ANKRD18A: variants seen among roughly 807,000 people sequenced by gnomAD.
ANKRD18A encodes the protein ankyrin repeat domain 18A.
ANKRD18A carries 72 observed loss-of-function variants against 110.6 expected under a neutral mutation model. The ratio of observed to expected loss-of-function variants is 0.65; its 90% CI spans 0.54 to 0.79. The LOEUF (loss-of-function observed/expected upper bound fraction) is 0.79. Ranked by LOEUF, ANKRD18A falls within the 30% of genes least tolerant of loss-of-function variation. The probability of loss-of-function intolerance (pLI) is 0.00; values close to 1 mark genes in which losing one functional copy is unlikely to be tolerated. For missense variants in ANKRD18A, 934 were observed against 1,163.3 expected (o/e 0.80, Z 2.87); for synonymous variants, 305 against 410.3 (o/e 0.74, Z 3.10).
chr9:38,566,667 T>A (rs1587470769), downstream of ANKRD18A: 1 of 152,240 alleles, frequency 6.6e-6, no homozygotes, highest in Non-Finnish European at 1.5e-5. Context: ...AGAGGTTTAA[T>A]TGGCTCACGG....
intron 10 of ANKRD18A, among the ~76,000 whole-genome samples, chr9:38,592,559 C>G (rs1207788692): frequency 1.3e-5 from 2 of 152,034 alleles, no homozygotes; most frequent in Admixed American, 6.6e-5. Flanking sequence ...TGATATCTGC[C>G]CAATTAACTC....
intron 6 of ANKRD18A, among the ~76,000 whole-genome samples, chr9:38,605,143 A>G (rs1825296476): frequency 6.6e-6 from 1 of 152,244 alleles, no homozygotes; most frequent in Admixed American, 6.5e-5. Flanking sequence ...GACACACAGT[A>G]AGCACTATTT....
At chr9:38,611,343 T>C in intron 3 of ANKRD18A, 22 bp from the exon 4 acceptor site, 4 of 1,507,490 alleles carry the variant, frequency 2.7e-6, no homozygotes, top group Non-Finnish European at 3.5e-6. Context: ...CAAAAACAAT[T>C]TATAATTCAC....
At chr9:38,568,378 G>C (rs1823528699), downstream of ANKRD18A, 2 of 152,012 alleles carry the variant, frequency 1.3e-5, no homozygotes, top group Admixed American at 1.3e-4. Flanking sequence ...CTGGCTCAAA[G>C]AGCAACCAGC....
intron 5 of ANKRD18A, 87 bp downstream of exon 5, chr9:38,610,186 A>C (rs1825546637): frequency 7.1e-7 from 1 of 1,412,826 alleles, no homozygotes; most frequent in Admixed American, 3.2e-5. Flanking sequence ...CAAACTATGA[A>C]CTGTCACCTA....
At position 38,588,766 on chromosome 9, in the gene ANKRD18A, G is replaced by A. The variant is rs2985608; in HGVS notation, c.2005-103C>T. ...GTTGATGAATAATATGTATTTAGGC[G>A]GTTGTATAAAGTGCATTTTACAAAC... is the stretch of plus-strand genomic sequence containing the variant. On this transcript the variant is annotated intron_variant, in intron 10 of 15. Coordinates refer to ENST00000399703, the MANE Select transcript of ANKRD18A (RefSeq NM_147195.4). 2,180 of 869,462 alleles carry A rather than the reference G, an allele frequency of 2.5e-3. 42 individuals carry two copies. The African/African-American group carries it at 0.034, about 14-fold the overall frequency. 53.9% of individuals were successfully genotyped at this position (869,462 alleles called of 1,614,324 possible). A position where few individuals can be genotyped will look rare whatever the true frequency, so the allele number is the denominator to read the frequency against.
chr9:38,595,778 A>G lies in ANKRD18A; in HGVS notation c.1562T>C (p.Met521Thr). 5.2e-6 allele frequency: 8 copies of G among 1,551,196 alleles called. No individual in the cohort carries two copies. The highest frequency in any genetic ancestry group is 7.0e-6 in the Non-Finnish European group (8 of 1,146,634). ...TTCTCCATTTGGATGCATCTGCTTC[A>G]TTTCCTTTATTCGATGCTGTGCTTG... The part of the protein sequence containing the change: ...LRQAQHRIKE[M>T]KQMHPNGEAK... The change falls in exon 9 of 16, where the codon ATG (methionine) becomes ACG (threonine). Residue 521 changes from methionine to threonine, a missense_variant. Transcript: ENST00000399703.
intron 5 of ANKRD18A, among the ~76,000 whole-genome samples, chr9:38,609,435 T>C (rs1825500917): frequency 1.3e-5 from 2 of 151,852 alleles, no homozygotes; most frequent in African/African-American, 4.8e-5. Flanking sequence ...GAGCCAAGAT[T>C]GCGCCACTGC....
rs1296953010 is a variant in ANKRD18A, at chr9:38,616,119, A to G, written c.207-75T>C. The stretch of plus-strand genomic sequence containing the variant: ...CCTACAATGGTCCATGTCATTGTAA[A>G]CATTGAATGGCATTATTCCTCTGCC... On this transcript the variant is annotated intron_variant, in intron 1 of 15. Transcript: ENST00000399703. 3 of 1,188,666 alleles carry G rather than the reference A, an allele frequency of 2.5e-6. No homozygotes were observed. The African/African-American group carries it at 4.7e-5, about 18-fold the overall frequency. 73.6% of individuals were successfully genotyped at this position (1,188,666 alleles called of 1,614,324 possible).
chr9:38,616,224 C>G (rs1202749376), intron 1 of ANKRD18A, among the ~76,000 whole-genome samples, 180 bp from the exon 2 acceptor site: 3 of 152,180 alleles, frequency 2.0e-5, no homozygotes, highest in Non-Finnish European at 4.4e-5. Context: ...GAAACAGCAG[C>G]CTATTTGGAT....
rs561252796 is a variant in ANKRD18A, at chr9:38,619,349, T to C, written c.206+731A>G. On this transcript the variant is annotated intron_variant, in intron 1 of 15. Transcript: ENST00000399703. ...TTCCTACTCATCTGAAACGTTACCATTATCCATCCCTATGTATATATCTTA... is the reference window on the plus strand; with the variant it reads ...TTCCTACTCATCTGAAACGTTACCACTATCCATCCCTATGTATATATCTTA... Among the ~76,000 whole-genome samples the C allele has an allele frequency of 2.0e-5, 3 of 152,314 alleles. No individual in the cohort carries two copies. The East Asian group carries it at 5.8e-4, about 29-fold the overall frequency.
chr9:38,610,478 C>T (rs557841256), intron 4 of ANKRD18A, 68 bp from the exon 5 acceptor site: 19 of 1,485,064 alleles, frequency 1.3e-5, no homozygotes, highest in Middle Eastern at 1.8e-4. Context: ...AAATTGGATA[C>T]ACTTTACCAA....
chr9:38,584,889 T>C (rs2993200), intron 12 of ANKRD18A, among the ~76,000 whole-genome samples: 52,579 of 151,948 alleles, frequency 0.35, 9,732 homozygotes, highest in African/African-American at 0.47. Flanking sequence ...ATGGGTTTTA[T>C]TAACTCTTAT....
Position 38,620,584 on chromosome 9 carries a change from T to C in ANKRD18A, c.-299A>G. On this transcript the variant is annotated 5_prime_UTR_variant, in exon 1 of 16. Transcript: ENST00000399703. ...GCGCCTGAACCTCAGCGCTCCGAACTCTCAGACCGAGTGAGTCCCCGCGAT... is the reference window on the plus strand; with the variant it reads ...GCGCCTGAACCTCAGCGCTCCGAACCCTCAGACCGAGTGAGTCCCCGCGAT... The C allele has an allele frequency of 1.1e-6, 1 of 872,060 alleles. No homozygotes were observed. Among genetic ancestry groups the C allele is most frequent in the Non-Finnish European group, 1.5e-6 (1 of 666,296 alleles). 54.0% of individuals were successfully genotyped at this position (872,060 alleles called of 1,614,324 possible). A position where few individuals can be genotyped will look rare whatever the true frequency, so the allele number is the denominator to read the frequency against.
intron 14 of ANKRD18A, among the ~76,000 whole-genome samples, chr9:38,576,844 C>T (rs1190985120): frequency 6.6e-6 from 1 of 151,328 alleles, no homozygotes; most frequent in South Asian, 2.1e-4. Flanking sequence ...AAAAGCCACA[C>T]AAAAACAAAA....
At chr9:38,572,108 T>A in intron 15 of ANKRD18A, 49 bp from the exon 16 acceptor site, 1 of 1,392,288 alleles carries the variant, frequency 7.2e-7, no homozygotes, top group Non-Finnish European at 9.8e-7. Flanking sequence ...ACATTTCAGT[T>A]AACGAAGTGT....
rs1825381731 is a variant in ANKRD18A at position 38,606,861 on chromosome 9, C to A, written c.808+565G>T. ...ATCTAATTTCTTATTTATATTAATA[C>A]AAAAATATGTAGAATTTCAAGGATC... is the stretch of plus-strand genomic sequence containing the variant. On this transcript the variant is annotated intron_variant, in intron 6 of 15. Transcript: ENST00000399703. Among the ~76,000 whole-genome samples, 3 of 151,876 alleles carry A rather than the reference C, an allele frequency of 2.0e-5. No individual in the cohort carries two copies. In the South Asian group the frequency reaches 6.2e-4, roughly 32 times the overall value.
downstream of ANKRD18A, chr9:38,567,205 T>C (rs1282684018): frequency 6.6e-6 from 1 of 152,256 alleles, no homozygotes; most frequent in African/African-American, 2.4e-5. Context: ...TGTTTGCTAC[T>C]GTTTCTATTC....
downstream of ANKRD18A, chr9:38,569,403 G>A (rs1253926933): frequency 2.1e-5 from 21 of 985,382 alleles, no homozygotes; most frequent in Non-Finnish European, 2.5e-5. Flanking sequence ...CCACTCACCT[G>A]AGTCCGATCA....
Sources: allele counts gnomAD v4.1 joint callset (sites outside exome capture counted in the v4.1 genomes callset), GRCh38; gene constraint gnomAD v4.1.1; transcripts MANE v1.5; gene names NCBI Gene and HGNC (gene_info 2026-07-23, HGNC 2026-07-21).